MYH15: variants seen among roughly 807,000 people sequenced by gnomAD.
The protein encoded by MYH15 is myosin-15.
A neutral mutation model predicts 240.5 loss-of-function variants in MYH15; 227 were observed. The ratio of observed to expected loss-of-function variants is 0.94; its 90% CI spans 0.85 to 1.05. The LOEUF (loss-of-function observed/expected upper bound fraction) is 1.05. MYH15 is among the 50% of genes least tolerant of loss of function. The pLI is 0.00. For missense variants in MYH15, 2,217 were observed against 2,247.5 expected (o/e 0.99, Z 0.27); for synonymous variants, 785 against 796.7 (o/e 0.99, Z 0.25).
Position 108,470,091 on chromosome 3 carries a change from G to T in MYH15, c.1505C>A (p.Ser502Tyr). The change falls in exon 14 of 41, where the codon TCT becomes TAT. Residue 502 changes from serine (S) to tyrosine (Y), a missense_variant. Transcript: ENST00000693548. ...EYKKESIEWVSIGFGLDLQAC... is the reference protein window; with the variant it reads ...EYKKESIEWVYIGFGLDLQAC... ...TTGCAAATCCAGACCAAAGCCAATA[G>T]ACACCCATTCAATGCTTTCTTTCTT... 6.2e-7 allele frequency: 1 copy of T among 1,611,592 alleles called. No homozygotes were observed. The highest frequency in any genetic ancestry group is 2.2e-5 in the East Asian group (1 of 44,794).
At chr3:108,550,987 C>A in the MYH15 span, 3 of 392,248 alleles carry the variant, frequency 7.6e-6, no homozygotes, top group Non-Finnish European at 1.3e-5. Flanking sequence ...TCTATTCAAA[C>A]TATCAAATAA....
At chr3:108,496,905 G>A (rs185482210) in intron 6 of MYH15, among the ~76,000 whole-genome samples, 11 of 151,680 alleles carry the variant, frequency 7.3e-5, no homozygotes, top group Non-Finnish European at 1.6e-4. Context: ...GCTCACGCCT[G>A]TAATCCCAGC....
chr3:108,506,370 A>T (rs1372870219), intron 1 of MYH15, among the ~76,000 whole-genome samples: 1 of 152,168 alleles, frequency 6.6e-6, no homozygotes, highest in Non-Finnish European at 1.5e-5. Context: ...TGTTTTTGTT[A>T]AACAACATAA....
At chr3:108,390,733 C>T (rs2082417364) in intron 37 of MYH15, among the ~76,000 whole-genome samples, 1 of 152,182 alleles carries the variant, frequency 6.6e-6, no homozygotes, top group Non-Finnish European at 1.5e-5. Flanking sequence ...ATATCATTAA[C>T]TTCATTTGCT....
At chr3:108,437,780 T>C in intron 24 of MYH15, 81 bp from the exon 25 acceptor site, 1 of 1,136,198 alleles carries the variant, frequency 8.8e-7, no homozygotes, top group Non-Finnish European at 1.1e-6. Flanking sequence ...CCACTTACCT[T>C]CTGGAAAAAG....
chr3:108,402,656 C>T (rs2082514794), intron 33 of MYH15, among the ~76,000 whole-genome samples: 1 of 152,208 alleles, frequency 6.6e-6, no homozygotes, highest in Non-Finnish European at 1.5e-5. Context: ...AGTTCAGTGC[C>T]TCATTCCCAA....
chr3:108,392,718 G>T (rs1046642641), intron 36 of MYH15, among the ~76,000 whole-genome samples: 1 of 152,172 alleles, frequency 6.6e-6, no homozygotes, highest in African/African-American at 2.4e-5. Flanking sequence ...TTGGAGGCTG[G>T]GGTCAGAGAT....
At chr3:108,416,764 A>T (rs1553764990) in intron 29 of MYH15, 48 bp downstream of exon 29, 1 of 1,444,660 alleles carries the variant, frequency 6.9e-7, no homozygotes, top group Non-Finnish European at 9.5e-7. Context: ...TTTTTTAAAA[A>T]AAAAAACACA....
At chr3:108,422,530 GTGA>G (rs1255557236) in intron 27 of MYH15, among the ~76,000 whole-genome samples, 2 of 152,120 alleles carry the variant, frequency 1.3e-5, no homozygotes, top group African/African-American at 4.8e-5. Flanking sequence ...CCCATCGTGG[GTGA>G]TGATGATGAT....
intron 6 of MYH15, among the ~76,000 whole-genome samples, chr3:108,496,327 T>C (rs1002452558): frequency 3.3e-5 from 5 of 152,240 alleles, no homozygotes; most frequent in Non-Finnish European, 5.9e-5. Context: ...TTGCTTCTTT[T>C]CCTAAGTAAT....
chr3:108,383,829 A>G (rs529908544), intron 39 of MYH15, 100 bp from the exon 40 acceptor site: 13 of 971,170 alleles, frequency 1.3e-5, no homozygotes, highest in Non-Finnish European at 1.9e-5. Context: ...ATGTGAAAAG[A>G]ATCTAAACTT....
chr3:108,510,604 G>A, upstream of MYH15: 1 of 1,546,736 alleles, frequency 6.5e-7, no homozygotes, highest in Non-Finnish European at 8.8e-7. Context: ...AAAAAAAATT[G>A]ATACAGAGAA....
At chr3:108,525,399 C>G (rs933640596) in intron 1 of MYH15, among the ~76,000 whole-genome samples, 13 of 152,036 alleles carry the variant, frequency 8.6e-5, no homozygotes, top group Non-Finnish European at 1.5e-5. Context: ...TACATGGGTA[C>G]AGATGTTTTA....
Position 108,416,869 on chromosome 3 carries a change from C to T in MYH15, c.3891G>A (p.Lys1297=). 4.3e-6 allele frequency: 7 copies of T among 1,614,084 alleles called. No homozygotes were observed. Among genetic ancestry groups the T allele is most frequent in the Non-Finnish European group, 5.1e-6 (6 of 1,179,978 alleles). Residue 1297 remains lysine, a synonymous_variant, in exon 29 of 41, where the codon AAG becomes AAA. Coordinates refer to ENST00000693548, the MANE Select transcript of MYH15 (RefSeq NM_014981.3). Reference sequence around the variant, plus strand: ...CTTCAATCTGCCGAGTGAAGTTGCTCTTTTCCCTGGAAAGTTGGTTTATCA... The same window carrying T: ...CTTCAATCTGCCGAGTGAAGTTGCTTTTTTCCCTGGAAAGTTGGTTTATCA... ...EALINQLSRE[K]SNFTRQIEDL...
At chr3:108,536,326 AG>A in the MYH15 span, among the ~76,000 whole-genome samples, 1 of 152,182 alleles carries the variant, frequency 6.6e-6, no homozygotes, top group Non-Finnish European at 1.5e-5. Context: ...GAGGAGGAAA[AG>A]GGGGTTGATG....
intron 21 of MYH15, among the ~76,000 whole-genome samples, chr3:108,453,014 G>A (rs1205973614): frequency 6.6e-6 from 1 of 152,134 alleles, no homozygotes; most frequent in Non-Finnish European, 1.5e-5. Flanking sequence ...ATGGCTCCAT[G>A]AGTATGCATT....
chr3:108,424,880 C>T (rs758226871), intron 27 of MYH15, among the ~76,000 whole-genome samples: 1 of 152,220 alleles, frequency 6.6e-6, no homozygotes, highest in Non-Finnish European at 1.5e-5. Flanking sequence ...AATTGGAGTT[C>T]ATCTCTTCCA....
intron 38 of MYH15, 89 bp from the exon 39 acceptor site, chr3:108,384,871 G>A (rs1042648662): frequency 4.7e-5 from 54 of 1,142,816 alleles, no homozygotes; most frequent in Non-Finnish European, 6.7e-5. Flanking sequence ...TAAGGATCAG[G>A]GAACTTTATT....
chr3:108,467,558 G>A (rs566214720), intron 14 of MYH15, among the ~76,000 whole-genome samples: 9 of 152,186 alleles, frequency 5.9e-5, no homozygotes, highest in Admixed American at 3.9e-4. Flanking sequence ...CTTGAGGCTG[G>A]TAAAATTCTA....
Sources: allele counts gnomAD v4.1 joint callset (sites outside exome capture counted in the v4.1 genomes callset), GRCh38; gene constraint gnomAD v4.1.1; transcripts MANE v1.5; gene names NCBI Gene and HGNC (gene_info 2026-07-23, HGNC 2026-07-21).